Variants in ZNF680 observed in about 807,000 individuals in gnomAD.
The protein encoded by ZNF680 is hypothetical protein FLJ90430.
ZNF680 carries 6 observed loss-of-function variants against 12.1 expected under a neutral mutation model. The ratio of observed to expected loss-of-function variants is 0.49; its 90% CI spans 0.27 to 0.98. The LOEUF is 0.98. Ranked by LOEUF, ZNF680 falls within the 50% of genes least tolerant of loss-of-function variation. The pLI is 0.12. For missense variants in ZNF680, 561 were observed against 616.3 expected (o/e 0.91, Z 0.95); for synonymous variants, 170 against 199.3 (o/e 0.85, Z 1.24).
chr7:64,532,393 C>T (rs1785935302), intron 3 of ZNF680, among the ~76,000 whole-genome samples: 1 of 151,728 alleles, frequency 6.6e-6, no homozygotes, highest in Admixed American at 6.6e-5. Flanking sequence ...CACATTAATA[C>T]AAAAGATCAT....
In ZNF680 at chr7:64,526,043, C is replaced by T. The variant is rs570237003; in HGVS notation, c.254-3543G>A. 2.1e-5 allele frequency: 21 copies of T among 977,884 alleles called. 1 individual carries two copies. The South Asian group carries it at 7.6e-4, about 35-fold the overall frequency. The allele number at this position is 977,884 out of a possible 1,614,324, so 60.6% of individuals were successfully genotyped here. On this transcript the variant is annotated intron_variant, in intron 3 of 3. Coordinates refer to ENST00000309683, the MANE Select transcript of ZNF680 (RefSeq NM_178558.5). ...CTCAATTATAATATAAACTAAAAAA[C>T]CAAAACAATTAACTCATGTGAGGTG...
intron 3 of ZNF680, among the ~76,000 whole-genome samples, chr7:64,538,324 T>G (rs1159171911): frequency 6.6e-6 from 1 of 152,188 alleles, no homozygotes; most frequent in East Asian, 1.9e-4. Flanking sequence ...TTCAAAAGAG[T>G]AATGATGCCT....
chr7:64,557,409 G>A (rs1787477551), intron 1 of ZNF680, among the ~76,000 whole-genome samples: 2 of 151,194 alleles, frequency 1.3e-5, no homozygotes, highest in Admixed American at 6.6e-5. Context: ...ACAAAAAGTA[G>A]CCACGTGTGT....
chr7:64,553,495 G>C (rs1396674435), intron 1 of ZNF680, among the ~76,000 whole-genome samples: 2 of 152,172 alleles, frequency 1.3e-5, no homozygotes, highest in Non-Finnish European at 2.9e-5. Flanking sequence ...AGTAGACACT[G>C]GATTCAGGCA....
In ZNF680 at chr7:64,544,824, A is replaced by G. The variant is rs544895386; in HGVS notation, c.31-392T>C. ...TACATCTCAAATTTTAATGTGTACA[A>G]TAAACTGAAGATCTTATTATGCGGA... On this transcript the variant is annotated intron_variant, in intron 1 of 3. Coordinates refer to ENST00000309683, the MANE Select transcript of ZNF680 (RefSeq NM_178558.5). Among the ~76,000 whole-genome samples, 73 of 152,366 alleles carry G rather than the reference A, an allele frequency of 4.8e-4. 1 individual carries two copies. The highest frequency in any genetic ancestry group is 1.7e-3 in the African/African-American group (69 of 41,596).
chr7:64,557,554 C>CA (rs34402012), intron 1 of ZNF680, among the ~76,000 whole-genome samples: 41,590 of 114,392 alleles, frequency 0.36, 5,930 homozygotes, highest in African/African-American at 0.44. Context: ...GGGTCCGTCT[C>CA]AAAAAAACAA....
At chr7:64,552,917 G>T (rs192912221) in intron 1 of ZNF680, among the ~76,000 whole-genome samples, 1 of 152,306 alleles carries the variant, frequency 6.6e-6, no homozygotes, top group Non-Finnish European at 1.5e-5. Flanking sequence ...CCTGAGGTCA[G>T]GAGTTCAAGA....
chr7:64,513,284 A>T, the ZNF680 span, among the ~76,000 whole-genome samples: 25 of 152,166 alleles, frequency 1.6e-4, no homozygotes, highest in Admixed American at 3.3e-4. Context: ...AATCTTTTTT[A>T]AAAGTACGTT....
intron 1 of ZNF680, among the ~76,000 whole-genome samples, chr7:64,559,674 G>T (rs1289605423): frequency 1.3e-5 from 2 of 152,086 alleles, no homozygotes; most frequent in East Asian, 1.9e-4. Context: ...TAGAGACGGG[G>T]TTTCACCATG....
chr7:64,543,550 C>T (rs1786618988), intron 3 of ZNF680, among the ~76,000 whole-genome samples, 157 bp downstream of exon 3: 1 of 152,124 alleles, frequency 6.6e-6, no homozygotes, highest in African/African-American at 2.4e-5. Context: ...AAAGAAGATG[C>T]CCCTATGTGA....
At chr7:64,540,337 C>T (rs571779269) in intron 3 of ZNF680, among the ~76,000 whole-genome samples, 1 of 144,506 alleles carries the variant, frequency 6.9e-6, no homozygotes, top group Non-Finnish European at 1.5e-5. Flanking sequence ...TGGAGGCTCG[C>T]TCTGTCGCCC....
chr7:64,518,547 T>G (rs1791400783), downstream of ZNF680, among the ~76,000 whole-genome samples: 1 of 151,906 alleles, frequency 6.6e-6, no homozygotes, highest in African/African-American at 2.4e-5. Context: ...GCAACATCAT[T>G]CTTCACAGAA....
At chr7:64,554,584 G>T (rs900626042) in intron 1 of ZNF680, among the ~76,000 whole-genome samples, 25 of 152,250 alleles carry the variant, frequency 1.6e-4, no homozygotes, top group African/African-American at 5.8e-4. Flanking sequence ...AAGAGAGATC[G>T]GATTGTTTCT....
intron 3 of ZNF680, chr7:64,526,195 T>C (rs1398750143): frequency 1.0e-6 from 1 of 972,292 alleles, no homozygotes; most frequent in Non-Finnish European, 1.3e-6. Flanking sequence ...AGAAGAAGAA[T>C]GTAGGGAAAA....
At chr7:64,539,110 G>A (rs1463412872) in intron 3 of ZNF680, among the ~76,000 whole-genome samples, 1 of 133,002 alleles carries the variant, frequency 7.5e-6, no homozygotes, top group Non-Finnish European at 1.5e-5. Context: ...TAGCCTGGGA[G>A]GCAGAGCAAG....
intron 3 of ZNF680, among the ~76,000 whole-genome samples, chr7:64,539,369 A>AAG (rs1786369597): frequency 8.7e-6 from 1 of 114,386 alleles, no homozygotes. Context: ...AAAAAAAAAA[A>AAG]AAAAAAGAAA....
At chr7:64,553,842 C>A (rs1787223583) in intron 1 of ZNF680, among the ~76,000 whole-genome samples, 1 of 152,228 alleles carries the variant, frequency 6.6e-6, no homozygotes, top group Non-Finnish European at 1.5e-5. Context: ...CCGCCACGGC[C>A]TCCCGAGGTG....
intron 3 of ZNF680, among the ~76,000 whole-genome samples, chr7:64,527,901 A>T (rs941065921): frequency 1.3e-5 from 2 of 152,194 alleles, no homozygotes; most frequent in Admixed American, 6.5e-5. Context: ...TAAATCAGGA[A>T]ACCTGAAATG....
intron 3 of ZNF680, among the ~76,000 whole-genome samples, chr7:64,536,466 T>A (rs998524722): frequency 6.6e-6 from 1 of 152,308 alleles, no homozygotes; most frequent in Non-Finnish European, 1.5e-5. Flanking sequence ...AGGAAACACG[T>A]TCTTTTAATG....
Sources: allele counts gnomAD v4.1 joint callset (sites outside exome capture counted in the v4.1 genomes callset), GRCh38; gene constraint gnomAD v4.1.1; transcripts MANE v1.5; gene names NCBI Gene and HGNC (gene_info 2026-07-23, HGNC 2026-07-21).